The following RUFY2 variants were observed in gnomAD, a reference collection of about 807,000 sequenced individuals.
The protein encoded by RUFY2 is RUN and FYVE domain-containing protein 2.
Under a neutral mutation model 94.4 loss-of-function variants are expected in RUFY2, and 49 were observed. The ratio of observed to expected loss-of-function variants is 0.52; its 90% CI spans 0.41 to 0.66. RUFY2 has a LOEUF of 0.66. Among genes scored for constraint, RUFY2 ranks in the 30% least tolerant of loss-of-function variants. The pLI, the probability that RUFY2 is intolerant of heterozygous loss-of-function variation, is 0.00. For synonymous variants in RUFY2, 255 were observed against 235.7 expected, an observed-to-expected ratio of 1.08 and a Z score of -0.75; for missense variants, 541 against 692.8, an observed-to-expected ratio of 0.78 and a Z score of 2.46.
At chr10:68,342,983 G>A (rs757218869), downstream of RUFY2, 4 of 152,138 alleles carry the variant, frequency 2.6e-5, no homozygotes, top group Non-Finnish European at 5.9e-5. Flanking sequence ...GTTGGGTTTT[G>A]TATCTGATCC....
chr10:68,379,390 A>C (rs760002663), intron 12 of RUFY2, 34 bp downstream of exon 12: 1 of 1,481,458 alleles, frequency 6.8e-7, no homozygotes, highest in African/African-American at 1.4e-5. Flanking sequence ...GAAGAAGAAA[A>C]GAAAAAAAGA....
chr10:68,358,380 G>A (rs1184633887), intron 15 of RUFY2, among the ~76,000 whole-genome samples: 1 of 152,126 alleles, frequency 6.6e-6, no homozygotes, highest in African/African-American at 2.4e-5. Context: ...TAAAAACAAA[G>A]TGTGAGTCTT....
In RUFY2 at chr10:68,394,229, G is replaced by A. The variant is rs1195064135; in HGVS notation, c.523-93C>T. On this transcript the variant is annotated intron_variant, in intron 5 of 17. Transcript: ENST00000602465. ...ATGTTACTCTTAATATTCCTTTAGTGTTTAACAGTCCTGTTTACAACTTCA... is the reference window on the plus strand; with the variant it reads ...ATGTTACTCTTAATATTCCTTTAGTATTTAACAGTCCTGTTTACAACTTCA... 3.8e-6 allele frequency: 6 copies of A among 1,580,554 alleles called. No individual in the cohort carries two copies. In the African/African-American group the frequency reaches 4.0e-5, roughly 11 times the overall value.
intron 15 of RUFY2, among the ~76,000 whole-genome samples, chr10:68,361,510 A>T (rs1170998730): frequency 2.0e-5 from 3 of 152,228 alleles, no homozygotes; most frequent in African/African-American, 7.2e-5. Context: ...AAATAAGGTA[A>T]TAAGCACTTA....
chr10:68,397,872 T>A (rs1368938977), intron 3 of RUFY2, among the ~76,000 whole-genome samples: 1 of 152,038 alleles, frequency 6.6e-6, no homozygotes, highest in African/African-American at 2.4e-5. Context: ...CTTACACCTG[T>A]AATCCCAGCA....
Position 68,394,463 on chromosome 10 carries a change from TA to T in RUFY2, c.399-13del. Reference sequence around the variant, plus strand: ...ACTCATAAAACTCACTGTGAAAATTTAAAAAATAAGGACTTTAAATCACAAA... The same window carrying T: ...ACTCATAAAACTCACTGTGAAAATTTAAAAATAAGGACTTTAAATCACAAA... On this transcript the variant is annotated splice_polypyrimidine_tract_variant and intron_variant, in intron 4 of 17. Transcript: ENST00000602465. 2 of 1,593,620 alleles carry T rather than the reference TA, an allele frequency of 1.3e-6. No individual in the cohort carries two copies. Among genetic ancestry groups the T allele is most frequent in the South Asian group, 1.1e-5 (1 of 90,192 alleles).
At chr10:68,375,725 G>A (rs555872555) in intron 13 of RUFY2, among the ~76,000 whole-genome samples, 16 of 146,650 alleles carry the variant, frequency 1.1e-4, no homozygotes, top group African/African-American at 3.3e-4. Context: ...GCAGTGAGCC[G>A]AGATCACACC....
chr10:68,382,269 G>A (rs1436398156), intron 10 of RUFY2, among the ~76,000 whole-genome samples: 1 of 150,946 alleles, frequency 6.6e-6, no homozygotes, highest in Admixed American at 6.6e-5. Context: ...TGTTAGCCAG[G>A]ATGGTCTCGA....
chr10:68,376,509 T>G (rs1330831333), intron 13 of RUFY2, among the ~76,000 whole-genome samples: 7 of 104,686 alleles, frequency 6.7e-5, no homozygotes, highest in Non-Finnish European at 1.4e-4. Context: ...AAACAGCATG[T>G]CCTTTAATAA....
At chr10:68,394,592 T>C (rs1033373173) in intron 4 of RUFY2, 141 bp from the exon 5 acceptor site, 17 of 409,110 alleles carry the variant, frequency 4.2e-5, no homozygotes, top group Non-Finnish European at 6.0e-5. Context: ...TTAGCCTTTA[T>C]ACGTGTGAAT....
At chr10:68,394,013 T>C (rs1041226968) in intron 6 of RUFY2, 62 bp downstream of exon 6, 10 of 1,464,146 alleles carry the variant, frequency 6.8e-6, no homozygotes, top group South Asian at 1.3e-5. Context: ...ATGGATCTTA[T>C]AATGATTTGT....
At chr10:68,401,597 G>T in intron 3 of RUFY2, 23 bp downstream of exon 3, 1 of 1,418,862 alleles carries the variant, frequency 7.0e-7, no homozygotes, top group Non-Finnish European at 1.0e-6. Flanking sequence ...GGCTAGGGAT[G>T]AACAAGTAAT....
rs1049975132 is a variant in RUFY2 at position 68,385,994 on chromosome 10, T to C, written c.720+65A>G. On this transcript the variant is annotated intron_variant, in intron 8 of 17. Transcript: ENST00000602465. The stretch of plus-strand genomic sequence containing the variant: ...TGTGTGTGTATGTTTAATGCATTCA[T>C]ACTTAAAATGGAAAAGGATCACAAA... The C allele has an allele frequency of 1.1e-5, 12 of 1,052,664 alleles. No homozygotes were observed. The Admixed American group carries it at 1.9e-4, about 17-fold the overall frequency. 65.2% of individuals were successfully genotyped at this position (1,052,664 alleles called of 1,614,324 possible). A position where few individuals can be genotyped will look rare whatever the true frequency, so the allele number is the denominator to read the frequency against.
intron 7 of RUFY2, 25 bp from the exon 8 acceptor site, chr10:68,386,153 C>T: frequency 6.3e-7 from 1 of 1,584,876 alleles, no homozygotes; most frequent in Non-Finnish European, 8.6e-7. Flanking sequence ...CAAAAAAACT[C>T]ATTCAAAATC....
At chr10:68,384,450 C>T (rs2049327269) in intron 8 of RUFY2, among the ~76,000 whole-genome samples, 1 of 152,092 alleles carries the variant, frequency 6.6e-6, no homozygotes, top group Non-Finnish European at 1.5e-5. Flanking sequence ...GTATGATTTA[C>T]AGTATGTCCT....
intron 15 of RUFY2, among the ~76,000 whole-genome samples, chr10:68,358,944 A>G (rs550604736): frequency 2.7e-4 from 41 of 152,322 alleles, no homozygotes; most frequent in African/African-American, 9.9e-4. Context: ...ATGATAATTT[A>G]CTGGTATTGA....
At chr10:68,349,202 C>T (rs182209896) in intron 16 of RUFY2, among the ~76,000 whole-genome samples, 2 of 152,182 alleles carry the variant, frequency 1.3e-5, no homozygotes, top group East Asian at 3.9e-4. Flanking sequence ...GATATCACAA[C>T]ATTTGAGAAA....
intron 12 of RUFY2, 22 bp downstream of exon 12, chr10:68,379,402 A>G (rs1354587729): frequency 5.2e-6 from 8 of 1,546,314 alleles, no homozygotes; most frequent in African/African-American, 2.8e-5. Flanking sequence ...AAAAAAAGAA[A>G]CTAAGACTGG....
chr10:68,345,871 C>G lies in RUFY2; in HGVS notation c.1718G>C (p.Cys573Ser). The G allele has an allele frequency of 6.2e-7, 1 of 1,614,118 alleles. No individual in the cohort carries two copies. The highest frequency in any genetic ancestry group is 1.1e-5 in the South Asian group (1 of 91,086). ...RNCGEIFCNA[C>S]SDNELPLPSS... Reference sequence around the variant, plus strand: ...AGGCAAAGGTAGTTCGTTGTCAGAGCAGGCATTACAGAAAATTTCCCCACA... The same window carrying G: ...AGGCAAAGGTAGTTCGTTGTCAGAGGAGGCATTACAGAAAATTTCCCCACA... The change falls in exon 18 of 18, where the codon TGC (cysteine) becomes TCC (serine). Residue 573 changes from cysteine (C) to serine (S), a missense_variant. Cys to Ser is a moderately radical substitution (Grantham distance 112). This residue lies in a region of RUFY2 where 403 missense variants were observed against 480.7 expected (regional missense o/e 0.84). Transcript: ENST00000602465.
Sources: allele counts gnomAD v4.1 joint callset (sites outside exome capture counted in the v4.1 genomes callset), GRCh38; gene constraint gnomAD v4.1.1; regional missense constraint gnomAD v4.1.1; transcripts MANE v1.5; gene names NCBI Gene and HGNC (gene_info 2026-07-23, HGNC 2026-07-21).